The following MICOS10 variants were observed in gnomAD, a reference collection of about 807,000 sequenced individuals.
MICOS10 encodes mitochondrial contact site and cristae organizing system subunit 10, also known as MICOS complex subunit MIC10.
In MICOS10, 5 loss-of-function variants were observed where a neutral mutation model predicts 13.4. That is an observed-to-expected ratio of 0.37 (90% CI 0.20 to 0.78). The LOEUF (loss-of-function observed/expected upper bound fraction) is 0.78, where lower values mean the gene tolerates loss of function less well. Ranked by LOEUF, MICOS10 falls within the 30% of genes least tolerant of loss-of-function variation. MICOS10 has a pLI of 0.47. For missense variants in MICOS10, 101 were observed against 94.6 expected (o/e 1.07, Z -0.28); for synonymous variants, 35 against 33.6 (o/e 1.04, Z -0.15).
At chr1:19,614,302 C>T (rs1243862226) in intron 1 of MICOS10, among the ~76,000 whole-genome samples, 1 of 150,762 alleles carries the variant, frequency 6.6e-6, no homozygotes, top group African/African-American at 2.4e-5. Flanking sequence ...TCTTTGGCAG[C>T]CTTCCCCCAT....
intron 1 of MICOS10, among the ~76,000 whole-genome samples, chr1:19,613,886 GAGGCAAGTGACTT>G (rs540621048): frequency 3.9e-4 from 60 of 152,132 alleles, no homozygotes; most frequent in Admixed American, 1.1e-3. Context: ...TGTCTGACCT[GAGGCAAGTGACTT>G]CACCTTTCTG....
chr1:19,604,654 A>G (rs1213978456), intron 1 of MICOS10, among the ~76,000 whole-genome samples: 18 of 152,188 alleles, frequency 1.2e-4, no homozygotes, highest in Admixed American at 1.0e-3. Context: ...CTGATAATCA[A>G]TATTCATGTT....
intron 1 of MICOS10, among the ~76,000 whole-genome samples, chr1:19,611,970 C>CA (rs1198566051): frequency 0.11 from 9,635 of 91,186 alleles, 535 homozygotes; most frequent in African/African-American, 0.13. Flanking sequence ...GGCTCCATCT[C>CA]AAAAAAAAAA....
intron 3 of MICOS10, among the ~76,000 whole-genome samples, chr1:19,626,120 G>A (rs960062625): frequency 6.6e-6 from 1 of 152,168 alleles, no homozygotes; most frequent in East Asian, 1.9e-4. Context: ...GGACGCCTTC[G>A]ACAGGTTTTA....
chr1:19,608,207 C>T (rs1449815002), intron 1 of MICOS10: 2 of 1,414,842 alleles, frequency 1.4e-6, no homozygotes, highest in Non-Finnish European at 2.0e-6. Flanking sequence ...TGGTGTCTGC[C>T]ATATCTTTGC....
At chr1:19,610,902 A>G (rs1490291663) in intron 1 of MICOS10, among the ~76,000 whole-genome samples, 1 of 152,190 alleles carries the variant, frequency 6.6e-6, no homozygotes, top group East Asian at 1.9e-4. Flanking sequence ...GCATCATTTC[A>G]GATGACTAAA....
chr1:19,607,802 G>A (rs911296865), intron 1 of MICOS10, among the ~76,000 whole-genome samples: 6 of 152,344 alleles, frequency 3.9e-5, no homozygotes, highest in African/African-American at 1.2e-4. Context: ...TGAGATTCTT[G>A]TATTAGCTGA....
At chr1:19,608,717 G>C (rs187025815) in intron 1 of MICOS10, 1 of 555,024 alleles carries the variant, frequency 1.8e-6, no homozygotes, top group Non-Finnish European at 3.2e-6. Context: ...AAAGAAAACT[G>C]ATATACTGGA....
intron 1 of MICOS10, chr1:19,608,028 A>G (rs2094841863): frequency 3.0e-6 from 2 of 674,788 alleles, no homozygotes. Context: ...GCCTCGCTTA[A>G]AAGGGTCGTA....
intron 3 of MICOS10, among the ~76,000 whole-genome samples, chr1:19,626,091 T>C (rs1196020620): frequency 6.6e-6 from 1 of 152,198 alleles, no homozygotes; most frequent in South Asian, 2.1e-4. Context: ...ATGAGAACCA[T>C]GCTCTCCCCA....
chr1:19,598,941 G>T (rs886330944), intron 1 of MICOS10, among the ~76,000 whole-genome samples: 1 of 151,916 alleles, frequency 6.6e-6, no homozygotes, highest in African/African-American at 2.4e-5. Context: ...TACAGGCAGG[G>T]TCTCCCTATG....
Position 19,597,057 on chromosome 1 carries a change from G to A in MICOS10, c.12G>A (p.Ser4=), listed in dbSNP as rs761993664. 8.8e-6 allele frequency: 14 copies of A among 1,592,268 alleles called. No individual in the cohort carries two copies. The East Asian group carries it at 1.2e-4, about 13-fold the overall frequency. Residue 4 remains serine, a synonymous_variant, in exon 1 of 4, where the codon TCG becomes TCA. Coordinates refer to ENST00000322753, the MANE Select transcript of MICOS10 (RefSeq NM_001032363.4). MSE[S]ELGRKWDRCL... is the part of the protein sequence containing the mutation. ...CGCGGGTGGGGAACATGTCTGAGTCGGAGCTCGGCAGGAAGTGGGACCGGT... is the reference window on the plus strand; with the variant it reads ...CGCGGGTGGGGAACATGTCTGAGTCAGAGCTCGGCAGGAAGTGGGACCGGT...
At chr1:19,600,675 C>T (rs2094810691) in intron 1 of MICOS10, 1 of 341,618 alleles carries the variant, frequency 2.9e-6, no homozygotes, top group Admixed American at 3.8e-5. Context: ...AATCACAGCT[C>T]ACCACAGCCT....
chr1:19,597,015 G>A lies in MICOS10; in HGVS notation c.-31G>A, dbSNP rs376424568. 10 of 1,571,736 alleles carry A rather than the reference G, an allele frequency of 6.4e-6. No individual in the cohort carries two copies. The South Asian group carries it at 9.2e-5, about 14-fold the overall frequency. ...AGGGGTCGGAGCGCGGGGGCCGGCC[G>A]AGAGGAAAGCTGGAGGCGCGGGTGG... On this transcript the variant is annotated 5_prime_UTR_variant, in exon 1 of 4. Coordinates refer to ENST00000322753, the MANE Select transcript of MICOS10 (RefSeq NM_001032363.4).
At chr1:19,625,764 T>C in intron 3 of MICOS10, 1 of 982,608 alleles carries the variant, frequency 1.0e-6, no homozygotes, top group Non-Finnish European at 1.3e-6. Flanking sequence ...TTTTTTACAT[T>C]TGTGTGTCCT....
chr1:19,616,624 C>G (rs1294185264), intron 1 of MICOS10, among the ~76,000 whole-genome samples: 1 of 152,114 alleles, frequency 6.6e-6, no homozygotes, highest in Non-Finnish European at 1.5e-5. Flanking sequence ...ATAAATTAAC[C>G]ATGGATAGTG....
rs945635328 is a variant in MICOS10 at position 19,623,696 on chromosome 1, C to G, written c.222+113C>G. 1.7e-5 allele frequency: 12 copies of G among 713,824 alleles called. No individual in the cohort carries two copies. The African/African-American group carries it at 1.8e-4, about 11-fold the overall frequency. The allele number at this position is 713,824 out of a possible 1,614,324, so 44.2% of individuals were successfully genotyped here. A position where few individuals can be genotyped will look rare whatever the true frequency, so the allele number is the denominator to read the frequency against. ...GTAAACCATGTGTGTCATTGTGGCA[C>G]CACTCTCAGATACTAATTGCTCTTT... is the stretch of plus-strand genomic sequence containing the variant. On this transcript the variant is annotated intron_variant, in intron 3 of 3. Coordinates refer to ENST00000322753, the MANE Select transcript of MICOS10 (RefSeq NM_001032363.4).
At chr1:19,608,507 G>A (rs774931430) in intron 1 of MICOS10, 22 of 1,121,614 alleles carry the variant, frequency 2.0e-5, no homozygotes, top group Middle Eastern at 1.9e-4. Flanking sequence ...GATTGAGGAC[G>A]TCACCCCCAT....
chr1:19,626,124 G>A (rs1382944519), intron 3 of MICOS10, among the ~76,000 whole-genome samples: 1 of 152,190 alleles, frequency 6.6e-6, no homozygotes, highest in Non-Finnish European at 1.5e-5. Flanking sequence ...GCCTTCGACA[G>A]GTTTTAGGAA....
Sources: allele counts gnomAD v4.1 joint callset (sites outside exome capture counted in the v4.1 genomes callset), GRCh38; gene constraint gnomAD v4.1.1; transcripts MANE v1.5; gene names NCBI Gene and HGNC (gene_info 2026-07-23, HGNC 2026-07-21).